The following LINGO2 variants were observed in gnomAD, a reference collection of about 807,000 sequenced individuals.
LINGO2 encodes the protein leucine-rich repeat and immunoglobulin-like domain-containing nogo receptor-interacting protein 2.
Under a neutral mutation model 30.6 loss-of-function variants are expected in LINGO2, and 14 were observed. The observed-to-expected ratio is 0.46, with a 90% CI of 0.30 to 0.72. The LOEUF (loss-of-function observed/expected upper bound fraction) is 0.72. LINGO2 is among the 30% of genes least tolerant of loss of function. The pLI is 0.07. For missense variants in LINGO2, 729 were observed against 751.7 expected (o/e 0.97, Z 0.35); for synonymous variants, 317 against 288.5 (o/e 1.10, Z -1.00).
the LINGO2 span, among the ~76,000 whole-genome samples, chr9:29,181,845 T>C: frequency 1.2e-4 from 19 of 152,166 alleles, no homozygotes; most frequent in African/African-American, 3.4e-4. Context: ...TTAATTACCA[T>C]AGACAACAAA....
chr9:28,940,581 T>C, the LINGO2 span, among the ~76,000 whole-genome samples: 8 of 152,146 alleles, frequency 5.3e-5, no homozygotes, highest in African/African-American at 1.9e-4. Flanking sequence ...ACACATTTGT[T>C]TTACTTTGGT....
intron 4 of LINGO2, among the ~76,000 whole-genome samples, chr9:28,206,028 G>C (rs1820396042): frequency 6.6e-6 from 1 of 151,960 alleles, no homozygotes; most frequent in Admixed American, 6.6e-5. Flanking sequence ...AGCCAGGTGT[G>C]GTGGTGTCTG....
the LINGO2 span, among the ~76,000 whole-genome samples, chr9:28,823,362 AG>A: frequency 6.6e-6 from 1 of 152,234 alleles, no homozygotes; most frequent in Non-Finnish European, 1.5e-5. Flanking sequence ...ATATATTAAA[AG>A]GTTTTATAGG....
At chr9:28,025,192 T>C (rs2119410656) in intron 4 of LINGO2, among the ~76,000 whole-genome samples, 1 of 152,334 alleles carries the variant, frequency 6.6e-6, no homozygotes, top group Non-Finnish European at 1.5e-5. Flanking sequence ...GGTTGTGATT[T>C]GGAATTTCAT....
chr9:28,613,546 T>A (rs879305087), intron 1 of LINGO2, among the ~76,000 whole-genome samples: 1 of 152,052 alleles, frequency 6.6e-6, no homozygotes, highest in African/African-American at 2.4e-5. Context: ...TGTAGAAATG[T>A]CAGGAGATTG....
chr9:28,933,805 T>C, the LINGO2 span, among the ~76,000 whole-genome samples: 1 of 152,236 alleles, frequency 6.6e-6, no homozygotes, highest in South Asian at 2.1e-4. Flanking sequence ...ACCCTTGTTA[T>C]TGATCTTTGT....
At chr9:28,425,336 T>TAC (rs1322001780) in intron 2 of LINGO2, among the ~76,000 whole-genome samples, 1 of 149,178 alleles carries the variant, frequency 6.7e-6, no homozygotes, top group African/African-American at 2.5e-5. Context: ...TGTGTATATA[T>TAC]ATATATATAA....
chr9:28,597,957 G>T (rs1269165360), intron 1 of LINGO2, among the ~76,000 whole-genome samples: 2 of 152,026 alleles, frequency 1.3e-5, no homozygotes, highest in Non-Finnish European at 2.9e-5. Context: ...TAGAGAAGGG[G>T]CTTCACTATG....
the LINGO2 span, among the ~76,000 whole-genome samples, chr9:29,102,320 A>G: frequency 6.6e-6 from 1 of 152,018 alleles, no homozygotes; most frequent in Non-Finnish European, 1.5e-5. Context: ...TGATCTTGTG[A>G]TCCGCCTGCC....
In LINGO2 at chr9:28,579,159, G is replaced by A. The variant is rs184712210; in HGVS notation, c.-365+91041C>T. Among the ~76,000 whole-genome samples the A allele has an allele frequency of 9.2e-5, 14 of 151,960 alleles. No homozygotes were observed. In the East Asian group the frequency reaches 2.5e-3, roughly 27 times the overall value. On this transcript the variant is annotated intron_variant, in intron 1 of 5. Transcript: ENST00000379992. Reference sequence around the variant, plus strand: ...TACATTACACATTAACTCAAAGGCTGAGAATCCATTAAGTCAAGGTGAGAA... The same window carrying A: ...TACATTACACATTAACTCAAAGGCTAAGAATCCATTAAGTCAAGGTGAGAA...
intron 3 of LINGO2, among the ~76,000 whole-genome samples, chr9:28,297,877 T>A (rs1823983020): frequency 6.6e-6 from 1 of 152,236 alleles, no homozygotes; most frequent in Non-Finnish European, 1.5e-5. Flanking sequence ...TCCTGTGTGC[T>A]CTGCATCACA....
chr9:28,839,651 C>G, the LINGO2 span, among the ~76,000 whole-genome samples: 1 of 152,068 alleles, frequency 6.6e-6, no homozygotes. Flanking sequence ...TTTTTACATG[C>G]TTCAGAGGGG....
At chr9:28,771,488 TGTGTGTGTGTGTGTGTGTGA>T in the LINGO2 span, among the ~76,000 whole-genome samples, 21 of 132,712 alleles carry the variant, frequency 1.6e-4, no homozygotes, top group South Asian at 2.6e-4. Context: ...TGTGTGTGTG[TGTGTGTGTGTGTGTGTGTGA>T]GAGAGAGAGA....
chr9:28,818,998 T>C, the LINGO2 span, among the ~76,000 whole-genome samples: 3 of 152,146 alleles, frequency 2.0e-5, no homozygotes, highest in Non-Finnish European at 2.9e-5. Flanking sequence ...CATAAATACA[T>C]AGTTTTGTTG....
At chr9:28,847,774 TA>T in the LINGO2 span, among the ~76,000 whole-genome samples, 5 of 37,610 alleles carry the variant, frequency 1.3e-4, no homozygotes, top group Non-Finnish European at 2.5e-4. Flanking sequence ...CATATGTGTA[TA>T]TATAGTATAT....
At chr9:28,153,780 T>C (rs1034668843) in intron 4 of LINGO2, among the ~76,000 whole-genome samples, 1 of 152,200 alleles carries the variant, frequency 6.6e-6, no homozygotes, top group Non-Finnish European at 1.5e-5. Context: ...TACCTAAACT[T>C]ACATTCCTTG....
At chr9:29,207,502 A>G in the LINGO2 span, among the ~76,000 whole-genome samples, 2 of 152,112 alleles carry the variant, frequency 1.3e-5, no homozygotes, top group Middle Eastern at 3.2e-3. Context: ...TAGAAACTGA[A>G]TGTGCTGGGA....
At chr9:29,175,620 G>A in the LINGO2 span, among the ~76,000 whole-genome samples, 3 of 149,890 alleles carry the variant, frequency 2.0e-5, no homozygotes, top group South Asian at 4.3e-4. Flanking sequence ...TCCACGTCCC[G>A]GGTTCAAGCG....
At chr9:28,917,673 GA>G in the LINGO2 span, among the ~76,000 whole-genome samples, 4 of 152,036 alleles carry the variant, frequency 2.6e-5, no homozygotes, top group Non-Finnish European at 5.9e-5. Flanking sequence ...GATATAGAAA[GA>G]AGCAGTGATT....
Sources: gnomAD v4.1 joint callset for allele counts (sites outside exome capture counted in the v4.1 genomes callset) on GRCh38, gnomAD v4.1.1 for gene constraint, MANE v1.5 for transcripts, NCBI Gene and HGNC (gene_info 2026-07-23, HGNC 2026-07-21) for gene names.